NPAS3: variants seen among roughly 807,000 people sequenced by gnomAD.
NPAS3 encodes neuronal PAS domain protein 3.
Under a neutral mutation model 73.1 loss-of-function variants are expected in NPAS3, and 14 were observed. That is an observed-to-expected ratio of 0.19 (90% CI 0.13 to 0.30). NPAS3 has a LOEUF of 0.30. NPAS3 is among the 10% of genes least tolerant of loss of function. The pLI is 1.00. For synonymous variants in NPAS3, 620 were observed against 541.5 expected, an observed-to-expected ratio of 1.14 and a Z score of -2.01; for missense variants, 1,096 against 1,250.0, an observed-to-expected ratio of 0.88 and a Z score of 1.86.
upstream of NPAS3, among the ~76,000 whole-genome samples, chr14:32,935,184 C>T (rs1293296749): frequency 1.3e-5 from 2 of 152,222 alleles, no homozygotes; most frequent in African/African-American, 4.8e-5. Flanking sequence ...TTGAAAAGCA[C>T]TCCAGTGCGC....
At chr14:33,487,339 TATG>T (rs1169703812) in intron 4 of NPAS3, among the ~76,000 whole-genome samples, 2 of 152,186 alleles carry the variant, frequency 1.3e-5, no homozygotes, top group African/African-American at 4.8e-5. Flanking sequence ...ACATTTTAAT[TATG>T]ATTATTTGAT....
At chr14:33,249,450 AT>A (rs2048502856) in intron 3 of NPAS3, among the ~76,000 whole-genome samples, 1 of 151,208 alleles carries the variant, frequency 6.6e-6, no homozygotes, top group Non-Finnish European at 1.5e-5. Flanking sequence ...ATATTTATTC[AT>A]TAGAATTATG....
intron 3 of NPAS3, among the ~76,000 whole-genome samples, chr14:33,272,475 A>G (rs1294681892): frequency 1.3e-5 from 2 of 152,148 alleles, no homozygotes; most frequent in Admixed American, 1.3e-4. Flanking sequence ...GGAGTGTAGT[A>G]GCATGATCTC....
At chr14:33,078,042 G>A (rs1374706145) in intron 2 of NPAS3, among the ~76,000 whole-genome samples, 1 of 151,864 alleles carries the variant, frequency 6.6e-6, no homozygotes, top group African/African-American at 2.4e-5. Flanking sequence ...CAGAGGCTGA[G>A]GCAGGAGAAT....
At chr14:33,635,795 T>C (rs938629637) in intron 5 of NPAS3, among the ~76,000 whole-genome samples, 2 of 152,204 alleles carry the variant, frequency 1.3e-5, no homozygotes, top group Non-Finnish European at 2.9e-5. Context: ...ACTTGGAGAA[T>C]TTCTTCTAAT....
At chr14:32,936,640 G>T (rs2035703114), upstream of NPAS3, among the ~76,000 whole-genome samples, 1 of 152,154 alleles carries the variant, frequency 6.6e-6, no homozygotes, top group African/African-American at 2.4e-5. Flanking sequence ...ATGGCCTTTG[G>T]AAGATTTCAG....
At chr14:33,038,803 A>G (rs2138399207) in intron 1 of NPAS3, among the ~76,000 whole-genome samples, 1 of 152,308 alleles carries the variant, frequency 6.6e-6, no homozygotes, top group South Asian at 2.1e-4. Context: ...GAAGGTAGAA[A>G]AATGCTAAAA....
rs77716190 is a variant in NPAS3, at chr14:33,118,588, C to G, written c.140+62594C>G. ...CAACTTTCTTGTTATAAATATGCTT[C>G]TTATTTCAGTACGATCAACAAAATG... is the stretch of plus-strand genomic sequence containing the variant. On this transcript the variant is annotated intron_variant, in intron 2 of 11. Coordinates refer to ENST00000356141, the Ensembl canonical transcript of NPAS3. Among the ~76,000 whole-genome samples, 922 of 152,180 alleles carry G rather than the reference C, an allele frequency of 6.1e-3. 10 individuals carry two copies. Among genetic ancestry groups the G allele is most frequent in the African/African-American group, 0.021 (876 of 41,548 alleles).
chr14:33,311,525 A>G (rs1171074562), intron 3 of NPAS3, among the ~76,000 whole-genome samples: 1 of 152,084 alleles, frequency 6.6e-6, no homozygotes, highest in Non-Finnish European at 1.5e-5. Context: ...AACTTGTGTC[A>G]TCTGGATATA....
intron 4 of NPAS3, among the ~76,000 whole-genome samples, chr14:33,394,817 T>G (rs1566863335): frequency 6.6e-6 from 1 of 152,172 alleles, no homozygotes; most frequent in Non-Finnish European, 1.5e-5. Flanking sequence ...GGTTGATAAG[T>G]GCATTTGCCT....
intron 2 of NPAS3, among the ~76,000 whole-genome samples, chr14:33,209,576 A>G (rs1025310781): frequency 4.6e-5 from 7 of 152,124 alleles, no homozygotes; most frequent in Non-Finnish European, 1.0e-4. Flanking sequence ...CCTTTGATGA[A>G]TTTTTGATGG....
At chr14:33,542,038 T>G (rs1323372392) in intron 4 of NPAS3, among the ~76,000 whole-genome samples, 1 of 152,216 alleles carries the variant, frequency 6.6e-6, no homozygotes, top group African/African-American at 2.4e-5. Context: ...GAACTATGTT[T>G]GTCTGAAGAG....
Position 33,105,767 on chromosome 14 carries a change from A to G in NPAS3, c.140+49773A>G, listed in dbSNP as rs543816762. ...ATATCGTTATTTAGGAAAAAAAAAG[A>G]TCAAAACTATGCTCCTGAAACAACA... On this transcript the variant is annotated intron_variant, in intron 2 of 11. Coordinates refer to ENST00000356141, the Ensembl canonical transcript of NPAS3. Among the ~76,000 whole-genome samples, 17 of 152,050 alleles carry G rather than the reference A, an allele frequency of 1.1e-4. No individual in the cohort carries two copies. In the South Asian group the frequency reaches 3.3e-3, roughly 30 times the overall value.
chr14:33,105,509 C>T (rs2042697131), intron 2 of NPAS3, among the ~76,000 whole-genome samples: 1 of 152,072 alleles, frequency 6.6e-6, no homozygotes, highest in African/African-American at 2.4e-5. Flanking sequence ...AACTGTATAT[C>T]CAGCTACTTA....
intron 5 of NPAS3, among the ~76,000 whole-genome samples, chr14:33,619,573 T>C (rs1163042234): frequency 2.0e-5 from 3 of 152,226 alleles, no homozygotes; most frequent in Non-Finnish European, 4.4e-5. Context: ...GAAAGTAAAT[T>C]TGGAGCCTTC....
intron 2 of NPAS3, among the ~76,000 whole-genome samples, chr14:33,089,322 A>G (rs937646198): frequency 6.6e-6 from 1 of 152,242 alleles, no homozygotes; most frequent in African/African-American, 2.4e-5. Flanking sequence ...ATGGAGCTGA[A>G]CACCATGGCA....
chr14:33,209,597 AAT>A (rs542082411), intron 2 of NPAS3, among the ~76,000 whole-genome samples: 2 of 152,204 alleles, frequency 1.3e-5, no homozygotes, highest in Non-Finnish European at 2.9e-5. Context: ...CTGCATTTTT[AAT>A]ACAGGTCGAC....
At chr14:33,718,934 C>T (rs2061029311) in intron 6 of NPAS3, among the ~76,000 whole-genome samples, 1 of 151,988 alleles carries the variant, frequency 6.6e-6, no homozygotes, top group African/African-American at 2.4e-5. Flanking sequence ...AAGACCAGCC[C>T]TGGGTAACGT....
intron 1 of NPAS3, among the ~76,000 whole-genome samples, chr14:32,959,754 G>A (rs1429125529): frequency 6.6e-5 from 10 of 152,222 alleles, no homozygotes; most frequent in Middle Eastern, 3.4e-3. Context: ...CGAGATTCCC[G>A]AGTATTTTTG....
Sources: gnomAD v4.1 joint callset for allele counts (sites outside exome capture counted in the v4.1 genomes callset) on GRCh38, gnomAD v4.1.1 for gene constraint, MANE v1.5 for transcripts, NCBI Gene and HGNC (gene_info 2026-07-23, HGNC 2026-07-21) for gene names.